ELAPOR1: variants seen among roughly 807,000 people sequenced by gnomAD.
ELAPOR1 encodes the protein endosome-lysosome associated apoptosis and autophagy regulator 1.
A neutral mutation model predicts 119.7 loss-of-function variants in ELAPOR1; 77 were observed. That is an observed-to-expected ratio of 0.64 (90% CI 0.54 to 0.78). The LOEUF (loss-of-function observed/expected upper bound fraction) is 0.78, where lower values mean the gene tolerates loss of function less well. Among genes scored for constraint, ELAPOR1 ranks in the 30% least tolerant of loss-of-function variants. The probability of loss-of-function intolerance (pLI) is 0.00; values close to 1 mark genes in which losing one functional copy is unlikely to be tolerated. For missense variants in ELAPOR1, 1,115 were observed against 1,270.4 expected, an observed-to-expected ratio of 0.88 and a Z score of 1.86; for synonymous variants, 481 against 487.2, an observed-to-expected ratio of 0.99 and a Z score of 0.17.
chr1:109,144,061 A>ATTTTTTTTTTTTTTTTTTTT lies in ELAPOR1; in HGVS notation c.154-17818_154-17817insTTTTTTTTTTTTTTTTTTTT, dbSNP rs71069655. ...TATATATATATATATATATTTATATATTTTTTTTTTTTTTTGAGATGGAGT... is the reference window on the plus strand; with the variant it reads ...TATATATATATATATATATTTATATATTTTTTTTTTTTTTTTTTTTTTTTTTTTTTTTTTTGAGATGGAGT... On this transcript the variant is annotated intron_variant, in intron 1 of 21. Transcript: ENST00000369939. Among the ~76,000 whole-genome samples the ATTTTTTTTTTTTTTTTTTTT allele has an allele frequency of 3.6e-4, 32 of 88,980 alleles. 3 individuals carry two copies. Among genetic ancestry groups the ATTTTTTTTTTTTTTTTTTTT allele is most frequent in the African/African-American group, 9.6e-4 (20 of 20,736 alleles). 58.4% of individuals were successfully genotyped at this position (88,980 alleles called of 152,430 possible).
intron 1 of ELAPOR1, among the ~76,000 whole-genome samples, chr1:109,142,744 T>G (rs1649907391): frequency 6.6e-6 from 1 of 152,214 alleles, no homozygotes; most frequent in African/African-American, 2.4e-5. Context: ...AGTTTGGCAG[T>G]TCCTCAAAAA....
chr1:109,156,774 T>C (rs1170800649), intron 1 of ELAPOR1, among the ~76,000 whole-genome samples: 1 of 151,854 alleles, frequency 6.6e-6, no homozygotes, highest in Non-Finnish European at 1.5e-5. Context: ...GCTCAGTGGC[T>C]AAATGTCTTC....
chr1:109,165,947 G>A (rs1334794591), intron 3 of ELAPOR1, among the ~76,000 whole-genome samples: 5 of 148,626 alleles, frequency 3.4e-5, no homozygotes, highest in African/African-American at 9.9e-5. Context: ...ATGGAGTCTC[G>A]CTCTGTCACC....
rs754282756 is a variant in ELAPOR1 at position 109,189,139 on chromosome 1, A to G, written c.1293A>G (p.Thr431=). The change falls in exon 10 of 22, where the codon ACA becomes ACG. Residue 431 remains threonine, a synonymous_variant. Coordinates refer to ENST00000369939, the MANE Select transcript of ELAPOR1 (RefSeq NM_020775.5). The part of the protein sequence containing the change: ...FEYKWWNTLP[T]NMETTVLSGI... The stretch of plus-strand genomic sequence containing the variant: ...ACAAATGGTGGAACACGCTGCCCAC[A>G]AACATGGAAACGACCGTTCTCAGTG... 5 of 1,614,200 alleles carry G rather than the reference A, an allele frequency of 3.1e-6. No homozygotes were observed. In the South Asian group the frequency reaches 5.5e-5, roughly 18 times the overall value.
At chr1:109,172,381 C>A in intron 4 of ELAPOR1, 107 bp from the exon 5 acceptor site, 1 of 796,548 alleles carries the variant, frequency 1.3e-6, no homozygotes, top group Non-Finnish European at 2.1e-6. Context: ...AAATTGGCAA[C>A]TCTTCCCATA....
chr1:109,115,203 T>C (rs1355260523), intron 1 of ELAPOR1, among the ~76,000 whole-genome samples: 2 of 152,140 alleles, frequency 1.3e-5, no homozygotes, highest in Non-Finnish European at 2.9e-5. Flanking sequence ...GTTATTGAAA[T>C]AACAATATTT....
At chr1:109,125,782 G>T (rs1648741081) in intron 1 of ELAPOR1, among the ~76,000 whole-genome samples, 1 of 152,146 alleles carries the variant, frequency 6.6e-6, no homozygotes, top group African/African-American at 2.4e-5. Context: ...CACACACCAA[G>T]CAAAAAACAC....
In ELAPOR1 at chr1:109,131,126, G is replaced by A. The variant is rs776252483; in HGVS notation, c.153+16790G>A. On this transcript the variant is annotated intron_variant, in intron 1 of 21. Transcript: ENST00000369939. ...TCATCCAAAAGCTTGTTTGGAACTT[G>A]AAGATCCAGTTCCAAGATGGTTCAC... 1.1e-4 allele frequency among the ~76,000 whole-genome samples: 16 copies of A among 152,330 alleles called. 1 individual carries two copies. The highest frequency in any genetic ancestry group is 1.0e-3 in the South Asian group (5 of 4,828).
rs1487236511 is a variant in ELAPOR1, at chr1:109,197,588, C to A, written c.2236C>A (p.Pro746Thr). ...AYVCQAVIIP[P>T]EVTGYKAGVS... ...CGTCTGCCAGGCAGTCATCATCCCC[C>A]CAGAGGTGACAGGCTACAAGGCCGG... The change falls in exon 16 of 22, where the codon CCA (proline) becomes ACA (threonine). Residue 746 changes from proline to threonine, a missense_variant. Pro to Thr is a conservative substitution (Grantham distance 38). Transcript: ENST00000369939. The A allele has an allele frequency of 6.2e-7, 1 of 1,614,100 alleles. No homozygotes were observed. Among genetic ancestry groups the A allele is most frequent in the Non-Finnish European group, 8.5e-7 (1 of 1,180,038 alleles).
Position 109,189,665 on chromosome 1 carries a change from G to T in ELAPOR1, c.1422G>T (p.Leu474=). ...ASDNDFMILT[L]VVPGFRPPQS... ...ACAATGACTTCATGATTCTCACTCT[G>T]GTTGTGCCAGGATTTAGGTGAGGAA... The change falls in exon 11 of 22, where the codon CTG becomes CTT. Residue 474 remains leucine, a synonymous_variant. Coordinates refer to ENST00000369939, the MANE Select transcript of ELAPOR1 (RefSeq NM_020775.5). 6.2e-7 allele frequency: 1 copy of T among 1,614,032 alleles called. No individual in the cohort carries two copies. The highest frequency in any genetic ancestry group is 8.5e-7 in the Non-Finnish European group (1 of 1,179,922).
intron 1 of ELAPOR1, among the ~76,000 whole-genome samples, chr1:109,129,997 C>T (rs960295264): frequency 2.0e-5 from 3 of 151,954 alleles, no homozygotes; most frequent in Admixed American, 1.3e-4. Flanking sequence ...TTGCCTCTTC[C>T]AGCCTCTGGT....
At chr1:109,185,193 GT>G in intron 8 of ELAPOR1, 60 bp downstream of exon 8, 1 of 1,317,332 alleles carries the variant, frequency 7.6e-7, no homozygotes, top group Non-Finnish European at 1.1e-6. Flanking sequence ...ACTCCCTGAG[GT>G]TTGCCACCAT....
At chr1:109,148,672 C>G (rs1468560347) in intron 1 of ELAPOR1, among the ~76,000 whole-genome samples, 2 of 152,202 alleles carry the variant, frequency 1.3e-5, no homozygotes, top group African/African-American at 4.8e-5. Context: ...TCACAGACAG[C>G]TAACATATCC....
chr1:109,189,600 G>A lies in ELAPOR1; in HGVS notation c.1357G>A (p.Val453Met), dbSNP rs376055651. The A allele has an allele frequency of 8.1e-6, 13 of 1,613,896 alleles. No homozygotes were observed. The Admixed American group carries it at 1.5e-4, about 19-fold the overall frequency. ...TCCTCTTTCCTTTTCAGGCTGGGAG[G>A]TGGCTGGTGATCACATTTACACAGC... ...FEYKGMTGWE[V>M]AGDHIYTAAG... The change falls in exon 11 of 22, where the codon GTG becomes ATG. Residue 453 changes from valine (V) to methionine (M), a missense_variant. Physicochemically the swap from Val to Met is conservative, Grantham distance 21 (BLOSUM62 1). Transcript: ENST00000369939.
intron 1 of ELAPOR1, among the ~76,000 whole-genome samples, chr1:109,159,193 C>G (rs758597784): frequency 2.6e-5 from 4 of 152,164 alleles, no homozygotes; most frequent in Admixed American, 2.0e-4. Flanking sequence ...GTGCCCCGCC[C>G]TAAGCTTATG....
chr1:109,167,603 A>T (rs1038538224), intron 3 of ELAPOR1, among the ~76,000 whole-genome samples: 1 of 151,878 alleles, frequency 6.6e-6, no homozygotes, highest in African/African-American at 2.4e-5. Flanking sequence ...AGCCAGATTC[A>T]TCTTTCTTTT....
chr1:109,164,790 G>A (rs1291183707), intron 3 of ELAPOR1, 99 bp downstream of exon 3: 2 of 1,195,726 alleles, frequency 1.7e-6, no homozygotes, highest in Admixed American at 5.3e-5. Context: ...GGCTGGGCAG[G>A]GAGGATGGAG....
intron 1 of ELAPOR1, among the ~76,000 whole-genome samples, chr1:109,129,727 G>A (rs1380077316): frequency 6.6e-6 from 1 of 152,188 alleles, no homozygotes; most frequent in East Asian, 1.9e-4. Context: ...TAAGACTCAG[G>A]CAAACTGCTG....
chr1:109,186,972 T>C (rs1653089971), intron 8 of ELAPOR1: 2 of 985,426 alleles, frequency 2.0e-6, no homozygotes, highest in African/African-American at 1.7e-5. Flanking sequence ...CTGAAGCGTG[T>C]GCTTTCAGGA....
Sources: allele counts gnomAD v4.1 joint callset (sites outside exome capture counted in the v4.1 genomes callset), GRCh38; gene constraint gnomAD v4.1.1; transcripts MANE v1.5; gene names NCBI Gene and HGNC (gene_info 2026-07-23, HGNC 2026-07-21).